MAST2: variants seen among roughly 807,000 people sequenced by gnomAD.
MAST2 encodes microtubule-associated serine/threonine-protein kinase 2.
A neutral mutation model predicts 147.4 loss-of-function variants in MAST2; 70 were observed. The ratio of observed to expected loss-of-function variants is 0.47; its 90% confidence interval spans 0.39 to 0.58. The LOEUF is 0.58. Among genes scored for constraint, MAST2 ranks in the 20% least tolerant of loss-of-function variants. MAST2 has a pLI of 0.00. For missense variants in MAST2, 2,080 were observed against 2,302.3 expected (o/e 0.90, Z 1.98); for synonymous variants, 869 against 896.8 (o/e 0.97, Z 0.55).
At chr1:46,018,865 G>A (rs770233112) in intron 10 of MAST2, among the ~76,000 whole-genome samples, 3 of 152,138 alleles carry the variant, frequency 2.0e-5, no homozygotes, top group Non-Finnish European at 4.4e-5. Context: ...GAAACTGCAC[G>A]CCCAGAACTG....
chr1:46,029,037 T>C, intron 18 of MAST2, 104 bp downstream of exon 18: 1 of 1,283,600 alleles, frequency 7.8e-7, no homozygotes, highest in South Asian at 1.5e-5. Flanking sequence ...TCTGAACTCA[T>C]CATGTGTGTT....
Position 45,824,430 on chromosome 1 carries a change from A to T in MAST2, c.178-3A>T. The T allele has an allele frequency of 6.3e-7, 1 of 1,586,242 alleles. No individual in the cohort carries two copies. The highest frequency in any genetic ancestry group is 8.6e-7 in the Non-Finnish European group (1 of 1,164,108). ...TCATGTTTTACTCTTTTTCTCTTTG[A>T]AGGATGTAGTAACTGGAGTTAGTCC... is the stretch of plus-strand genomic sequence containing the variant. On this transcript the variant is annotated splice_region_variant and splice_polypyrimidine_tract_variant and intron_variant, in intron 1 of 28. Transcript: ENST00000361297.
At chr1:45,975,676 CAAA>C (rs372155048) in intron 5 of MAST2, among the ~76,000 whole-genome samples, 1 of 112,398 alleles carries the variant, frequency 8.9e-6, no homozygotes, top group Admixed American at 9.4e-5. Context: ...GACTCTGTCT[CAAA>C]AAAAAAAAAA....
At chr1:46,024,613 A>G (rs1387482618) in intron 15 of MAST2, among the ~76,000 whole-genome samples, 2 of 152,208 alleles carry the variant, frequency 1.3e-5, no homozygotes, top group Admixed American at 6.5e-5. Flanking sequence ...TTACTCAGAA[A>G]CTAAAAGCCA....
intron 4 of MAST2, among the ~76,000 whole-genome samples, chr1:45,947,358 A>C (rs1364282249): frequency 1.3e-5 from 2 of 152,066 alleles, no homozygotes; most frequent in Non-Finnish European, 2.9e-5. Flanking sequence ...TGTTTTAAGA[A>C]AATTTCCAAA....
At chr1:45,963,553 G>T (rs571159176) in intron 5 of MAST2, among the ~76,000 whole-genome samples, 1 of 152,184 alleles carries the variant, frequency 6.6e-6, no homozygotes, top group African/African-American at 2.4e-5. Context: ...CTCATGATTT[G>T]GCTCTCTGTT....
intron 4 of MAST2, among the ~76,000 whole-genome samples, chr1:45,897,515 A>G (rs1479854702): frequency 6.6e-6 from 1 of 152,210 alleles, no homozygotes; most frequent in African/African-American, 2.4e-5. Context: ...TGGGGAGGAA[A>G]GAAAAAACTA....
intron 4 of MAST2, among the ~76,000 whole-genome samples, chr1:45,890,936 C>G (rs886786963): frequency 6.6e-6 from 1 of 152,034 alleles, no homozygotes; most frequent in African/African-American, 2.4e-5. Flanking sequence ...TGCATAATAA[C>G]AAATTTTGAA....
chr1:45,860,904 G>T (rs6675222), intron 3 of MAST2, among the ~76,000 whole-genome samples: 51,693 of 151,936 alleles, frequency 0.34, 9,192 homozygotes, highest in African/African-American at 0.44. Flanking sequence ...CCATGTAGAT[G>T]AATCCATCCA....
rs564796240 is a variant in MAST2, at chr1:45,884,419, G to A, written c.500+2024G>A. 1.7e-3 allele frequency among the ~76,000 whole-genome samples: 253 copies of A among 152,252 alleles called. 1 individual carries two copies. Among genetic ancestry groups the A allele is most frequent in the South Asian group, 4.1e-4 (2 of 4,826 alleles). On this transcript the variant is annotated intron_variant, in intron 4 of 28. Coordinates refer to ENST00000361297, the MANE Select transcript of MAST2 (RefSeq NM_015112.3). ...AAATAAAAATTAGCCGGGCGTCATG[G>A]CGTGCGCCTGTAGTCCCAGTTACTC...
At chr1:45,996,664 A>G (rs934714605) in intron 5 of MAST2, among the ~76,000 whole-genome samples, 3 of 152,300 alleles carry the variant, frequency 2.0e-5, no homozygotes, top group African/African-American at 7.2e-5. Flanking sequence ...TAATTGATAC[A>G]GAGGTGCTGC....
At chr1:45,878,288 A>C (rs1026955196) in intron 3 of MAST2, among the ~76,000 whole-genome samples, 1 of 152,052 alleles carries the variant, frequency 6.6e-6, no homozygotes, top group Non-Finnish European at 1.5e-5. Context: ...GTAATTTGCC[A>C]CATTAACAGA....
chr1:45,830,256 C>T (rs1489368560), intron 3 of MAST2, among the ~76,000 whole-genome samples: 19 of 139,154 alleles, frequency 1.4e-4, no homozygotes, highest in African/African-American at 5.2e-4. Context: ...CTCACTGCAA[C>T]CTCTGTCTCC....
intron 16 of MAST2, among the ~76,000 whole-genome samples, chr1:46,026,715 G>A (rs964662017): frequency 6.6e-6 from 1 of 152,134 alleles, no homozygotes; most frequent in South Asian, 2.1e-4. Context: ...GGGGTAGGAA[G>A]GGAAGTGAGG....
chr1:45,931,376 T>TG (rs1409093076), intron 4 of MAST2, among the ~76,000 whole-genome samples: 1 of 119,816 alleles, frequency 8.3e-6, no homozygotes, highest in Non-Finnish European at 1.7e-5. Context: ...TATTGTGTTC[T>TG]GTTTTTTTTT....
At chr1:45,887,376 A>G (rs1315455658) in intron 4 of MAST2, among the ~76,000 whole-genome samples, 1 of 152,120 alleles carries the variant, frequency 6.6e-6, no homozygotes, top group East Asian at 1.9e-4. Context: ...ATCATGGGGT[A>G]TGTGTATATG....
Position 45,931,377 on chromosome 1 carries a change from G to GTTTTTTTTT in MAST2, c.501-27995_501-27987dup, listed in dbSNP as rs71587091. 1.2e-3 allele frequency among the ~76,000 whole-genome samples: 123 copies of GTTTTTTTTT among 101,170 alleles called. 3 individuals carry two copies. Among genetic ancestry groups the GTTTTTTTTT allele is most frequent in the East Asian group, 2.6e-3 (8 of 3,120 alleles). 66.4% of individuals were successfully genotyped at this position (101,170 alleles called of 152,430 possible). Reference sequence around the variant, plus strand: ...TCACAAAAAGGTGGTATTGTGTTCTGTTTTTTTTTTTTTTTTTTTTTTGAG... The same window carrying GTTTTTTTTT: ...TCACAAAAAGGTGGTATTGTGTTCTGTTTTTTTTTTTTTTTTTTTTTTTTTTTTTTTGAG... On this transcript the variant is annotated intron_variant, in intron 4 of 28. Transcript: ENST00000361297.
intron 1 of MAST2, among the ~76,000 whole-genome samples, chr1:45,818,996 G>A (rs369256124): frequency 1.3e-5 from 2 of 152,262 alleles, no homozygotes; most frequent in South Asian, 2.1e-4. Flanking sequence ...GCTCATGCCT[G>A]TAATCCCAGC....
chr1:46,011,017 A>G (rs1171908845), intron 10 of MAST2, 78 bp downstream of exon 10: 70 of 1,233,860 alleles, frequency 5.7e-5, no homozygotes, highest in Non-Finnish European at 7.4e-5. Context: ...AGATTAGGGC[A>G]TTAGTGGTAT....
Sources: allele counts gnomAD v4.1 joint callset (sites outside exome capture counted in the v4.1 genomes callset), GRCh38; gene constraint gnomAD v4.1.1; transcripts MANE v1.5; gene names NCBI Gene and HGNC (gene_info 2026-07-23, HGNC 2026-07-21).